ADAMTS17: variants seen among roughly 807,000 people sequenced by gnomAD.
The protein encoded by ADAMTS17 is ADAM metallopeptidase with thrombospondin type 1 motif 17.
Under a neutral mutation model 141.5 loss-of-function variants are expected in ADAMTS17, and 113 were observed. The ratio of observed to expected loss-of-function variants is 0.80; its 90% CI spans 0.69 to 0.93. The LOEUF is 0.93. ADAMTS17 is among the 40% of genes least tolerant of loss of function. The probability of loss-of-function intolerance (pLI) is 0.00; values close to 1 mark genes in which losing one functional copy is unlikely to be tolerated. For missense variants in ADAMTS17, 1,659 were observed against 1,517.9 expected (o/e 1.09, Z -1.54); for synonymous variants, 768 against 630.6 (o/e 1.22, Z -3.27).
At chr15:100,204,358 G>A (rs184286875) in intron 7 of ADAMTS17, among the ~76,000 whole-genome samples, 74 of 152,278 alleles carry the variant, frequency 4.9e-4, no homozygotes, top group Middle Eastern at 3.4e-3. Flanking sequence ...ACCAAACACC[G>A]TCATAGTTAT....
chr15:100,322,878 G>A (rs184200706), intron 3 of ADAMTS17, among the ~76,000 whole-genome samples: 24 of 152,156 alleles, frequency 1.6e-4, no homozygotes, highest in African/African-American at 5.8e-4. Context: ...ACGAGGTCAG[G>A]AGATCAAGAC....
chr15:100,041,154 CTGAT>C (rs1360617792), intron 18 of ADAMTS17, among the ~76,000 whole-genome samples: 1 of 152,196 alleles, frequency 6.6e-6, no homozygotes, highest in African/African-American at 2.4e-5. Context: ...TAAGGCCAGC[CTGAT>C]TAAGATAATT....
chr15:100,278,075 T>C (rs2044158357), intron 4 of ADAMTS17, among the ~76,000 whole-genome samples: 1 of 151,982 alleles, frequency 6.6e-6, no homozygotes, highest in African/African-American at 2.4e-5. Context: ...TCCACTTATA[T>C]GAGGTATCTA....
At chr15:100,149,091 T>C (rs554472781) in intron 10 of ADAMTS17, among the ~76,000 whole-genome samples, 1 of 152,338 alleles carries the variant, frequency 6.6e-6, no homozygotes, top group Non-Finnish European at 1.5e-5. Flanking sequence ...GATAACAGCA[T>C]ATGTACGCTC....
intron 15 of ADAMTS17, chr15:100,063,808 A>G: frequency 8.0e-7 from 1 of 1,248,600 alleles, no homozygotes; most frequent in Non-Finnish European, 1.1e-6. Context: ...ACCCTGCACC[A>G]GAGGCCGTGC....
intron 10 of ADAMTS17, among the ~76,000 whole-genome samples, chr15:100,145,556 C>A (rs1429770117): frequency 6.6e-6 from 1 of 152,138 alleles, no homozygotes; most frequent in African/African-American, 2.4e-5. Flanking sequence ...AAAACTGGAC[C>A]ATTAGTACTG....
chr15:100,049,503 C>T (rs1408081486), intron 17 of ADAMTS17, among the ~76,000 whole-genome samples: 1 of 152,216 alleles, frequency 6.6e-6, no homozygotes. Context: ...CAGAGCCATT[C>T]TGACTTGTCT....
intron 10 of ADAMTS17, among the ~76,000 whole-genome samples, chr15:100,144,197 T>C (rs1252913610): frequency 1.3e-5 from 2 of 152,194 alleles, no homozygotes; most frequent in Non-Finnish European, 2.9e-5. Flanking sequence ...CATTTTGAAT[T>C]GGTGAAGAGT....
chr15:100,335,367 G>A (rs1377830622), intron 2 of ADAMTS17, among the ~76,000 whole-genome samples: 1 of 152,110 alleles, frequency 6.6e-6, no homozygotes, highest in Non-Finnish European at 1.5e-5. Flanking sequence ...CTTATCTCAG[G>A]ACAATGGGGC....
At chr15:100,239,491 C>T (rs2042761965) in intron 7 of ADAMTS17, among the ~76,000 whole-genome samples, 1 of 113,840 alleles carries the variant, frequency 8.8e-6, no homozygotes, top group South Asian at 2.8e-4. Context: ...GCACCGCTCC[C>T]AGGCCTGTGA....
chr15:100,320,702 G>A (rs933937103), intron 3 of ADAMTS17, among the ~76,000 whole-genome samples: 2 of 152,068 alleles, frequency 1.3e-5, no homozygotes, highest in Non-Finnish European at 2.9e-5. Context: ...GTGTGGTGGC[G>A]CATGCCTGTA....
At chr15:100,050,920 G>A (rs921220967) in intron 17 of ADAMTS17, among the ~76,000 whole-genome samples, 70 of 152,202 alleles carry the variant, frequency 4.6e-4, no homozygotes, top group African/African-American at 1.7e-3. Flanking sequence ...CCCTCTCAAT[G>A]ACACAACAAT....
At chr15:100,255,693 A>G (rs1288855733) in intron 6 of ADAMTS17, among the ~76,000 whole-genome samples, 1 of 149,944 alleles carries the variant, frequency 6.7e-6, no homozygotes, top group Non-Finnish European at 1.5e-5. Flanking sequence ...AACAGGACAT[A>G]TTTAAAGCTT....
At chr15:100,218,593 A>T (rs1350131876) in intron 7 of ADAMTS17, among the ~76,000 whole-genome samples, 2 of 152,232 alleles carry the variant, frequency 1.3e-5, no homozygotes, top group Non-Finnish European at 2.9e-5. Context: ...GAATGCAGAG[A>T]AAACAGAATC....
chr15:100,105,673 G>T (rs1401256753), intron 14 of ADAMTS17, among the ~76,000 whole-genome samples: 1 of 152,124 alleles, frequency 6.6e-6, no homozygotes, highest in Non-Finnish European at 1.5e-5. Flanking sequence ...AGAGGCTAGA[G>T]AGCTAGCTAG....
intron 15 of ADAMTS17, among the ~76,000 whole-genome samples, chr15:100,059,263 G>A (rs1395897894): frequency 3.9e-5 from 6 of 152,252 alleles, no homozygotes; most frequent in African/African-American, 9.6e-5. Context: ...CACTTGGCAT[G>A]CCCACGCACT....
At chr15:100,030,690 C>G (rs1227739117) in intron 18 of ADAMTS17, among the ~76,000 whole-genome samples, 1 of 152,164 alleles carries the variant, frequency 6.6e-6, no homozygotes, top group African/African-American at 2.4e-5. Flanking sequence ...ATGAACCACT[C>G]AAGACTTTTC....
chr15:100,057,804 G>T (rs2032716445), intron 15 of ADAMTS17, among the ~76,000 whole-genome samples: 1 of 152,146 alleles, frequency 6.6e-6, no homozygotes, highest in Admixed American at 6.5e-5. Flanking sequence ...CCCACAGGAA[G>T]ATGTCCACAG....
At chr15:100,126,062 T>C (rs2141204423) in intron 12 of ADAMTS17, 1 of 152,352 alleles carries the variant, frequency 6.6e-6, no homozygotes, top group East Asian at 1.9e-4. Context: ...GAGGACGTTG[T>C]TTTCGTCAGA....
Sources: allele counts gnomAD v4.1 joint callset (sites outside exome capture counted in the v4.1 genomes callset), GRCh38; gene constraint gnomAD v4.1.1; transcripts MANE v1.5; gene names NCBI Gene and HGNC (gene_info 2026-07-23, HGNC 2026-07-21).